The following ZBTB20 variants were observed in gnomAD, a reference collection of about 807,000 sequenced individuals.
The protein encoded by ZBTB20 is zinc finger and BTB domain containing 20.
ZBTB20 carries 9 observed loss-of-function variants against 56.9 expected under a neutral mutation model. The ratio of observed to expected loss-of-function variants is 0.16; its 90% confidence interval spans 0.10 to 0.28. ZBTB20 has a LOEUF of 0.28. Among genes scored for constraint, ZBTB20 ranks in the 10% least tolerant of loss-of-function variants. ZBTB20 has a pLI of 1.00. For missense variants in ZBTB20, 655 were observed against 1,003.0 expected, an observed-to-expected ratio of 0.65 and a Z score of 4.69; for synonymous variants, 417 against 420.7, an observed-to-expected ratio of 0.99 and a Z score of 0.11.
At chr3:114,928,461 T>A (rs932533158) in intron 3 of ZBTB20, among the ~76,000 whole-genome samples, 3 of 152,090 alleles carry the variant, frequency 2.0e-5, no homozygotes, top group African/African-American at 7.2e-5. Context: ...ATGGAGAACC[T>A]CAAGGTTCTT....
Position 114,706,087 on chromosome 3 carries a change from AAGAG to A in ZBTB20, c.-342-12516_-342-12513del, listed in dbSNP as rs149647100. ...TTATAGGAAGAATATGATGTAGAGA[AAGAG>A]AGAGAGAGAGAGAGACAGACTTGAG... On this transcript the variant is annotated intron_variant, in intron 5 of 11. Coordinates refer to ENST00000675478, the MANE Select transcript of ZBTB20 (RefSeq NM_001348800.3). 6.6e-5 allele frequency among the ~76,000 whole-genome samples: 10 copies of A among 150,486 alleles called. No individual in the cohort carries two copies. In the East Asian group the frequency reaches 1.4e-3, roughly 20 times the overall value.
intron 2 of ZBTB20, among the ~76,000 whole-genome samples, chr3:115,007,331 A>G (rs915073625): frequency 6.6e-6 from 1 of 151,678 alleles, no homozygotes; most frequent in Admixed American, 6.6e-5. Context: ...AGGAGGAAAT[A>G]CCATTTTCTG....
Position 114,576,758 on chromosome 3 carries a change from A to T in ZBTB20, c.-294-76367T>A, listed in dbSNP as rs186601225. 5.5e-4 allele frequency among the ~76,000 whole-genome samples: 81 copies of T among 148,448 alleles called. 1 individual carries two copies. Among genetic ancestry groups the T allele is most frequent in the African/African-American group, 1.9e-3 (77 of 40,648 alleles). Reference sequence around the variant, plus strand: ...TTTAAAACTTCAAATTGCTAGATTGATAAAAGCTAAAAAGGTAATCACACA... The same window carrying T: ...TTTAAAACTTCAAATTGCTAGATTGTTAAAAGCTAAAAAGGTAATCACACA... On this transcript the variant is annotated intron_variant, in intron 6 of 11. Coordinates refer to ENST00000675478, the MANE Select transcript of ZBTB20 (RefSeq NM_001348800.3).
chr3:114,482,416 G>A (rs1476449354), intron 7 of ZBTB20, among the ~76,000 whole-genome samples: 3 of 152,146 alleles, frequency 2.0e-5, no homozygotes, highest in Non-Finnish European at 4.4e-5. Flanking sequence ...AGACCACCTA[G>A]CAGAATGGAG....
At chr3:114,644,529 C>A (rs550589830) in intron 6 of ZBTB20, among the ~76,000 whole-genome samples, 22 of 152,138 alleles carry the variant, frequency 1.4e-4, no homozygotes, top group Non-Finnish European at 1.3e-4. Flanking sequence ...ATCAGAGAAA[C>A]GCAAGTCAAA....
At chr3:114,567,327 T>G (rs2052894845) in intron 6 of ZBTB20, among the ~76,000 whole-genome samples, 1 of 152,214 alleles carries the variant, frequency 6.6e-6, no homozygotes, top group South Asian at 2.1e-4. Flanking sequence ...TAAACAGTGC[T>G]AGACAGGCCC....
intron 2 of ZBTB20, among the ~76,000 whole-genome samples, chr3:114,981,974 C>G (rs2078347803): frequency 6.6e-6 from 1 of 151,976 alleles, no homozygotes; most frequent in Non-Finnish European, 1.5e-5. Flanking sequence ...GTGAATTGTT[C>G]ATAAGATGCT....
intron 4 of ZBTB20, among the ~76,000 whole-genome samples, chr3:114,871,322 C>G (rs1283346585): frequency 6.6e-6 from 1 of 152,088 alleles, no homozygotes; most frequent in Non-Finnish European, 1.5e-5. Flanking sequence ...ATGTTCACCC[C>G]CAAATGCAGA....
intron 3 of ZBTB20, among the ~76,000 whole-genome samples, chr3:114,963,473 G>A (rs1414875438): frequency 6.6e-6 from 1 of 152,138 alleles, no homozygotes. Flanking sequence ...TTAAACAAAT[G>A]AGTGAAGTTT....
chr3:114,454,212 A>AGAGAGAGAGAGAGAG (rs1553717402), intron 7 of ZBTB20, among the ~76,000 whole-genome samples: 19 of 71,752 alleles, frequency 2.6e-4, no homozygotes, highest in East Asian at 8.9e-4. Context: ...GAGAGAGAGA[A>AGAGAGAGAGAGAGAG]ATTGGAGCTT....
intron 5 of ZBTB20, among the ~76,000 whole-genome samples, chr3:114,721,443 A>G (rs2064905988): frequency 6.6e-6 from 1 of 152,202 alleles, no homozygotes; most frequent in African/African-American, 2.4e-5. Flanking sequence ...ACAGGAAATA[A>G]CATGTTCTAG....
At chr3:114,838,772 C>T (rs998975035) in intron 4 of ZBTB20, among the ~76,000 whole-genome samples, 1 of 151,406 alleles carries the variant, frequency 6.6e-6, no homozygotes, top group African/African-American at 2.4e-5. Flanking sequence ...TGGAAGGTAG[C>T]AAAACTTAAG....
chr3:115,110,521 A>T (rs2083846728), intron 1 of ZBTB20, among the ~76,000 whole-genome samples: 1 of 152,264 alleles, frequency 6.6e-6, no homozygotes, highest in African/African-American at 2.4e-5. Flanking sequence ...ATTACTTTAC[A>T]GTATATACAT....
At chr3:114,818,249 A>G (rs1218063082) in intron 4 of ZBTB20, among the ~76,000 whole-genome samples, 1 of 152,172 alleles carries the variant, frequency 6.6e-6, no homozygotes, top group Non-Finnish European at 1.5e-5. Flanking sequence ...GTGAATCACC[A>G]TTTTACATTT....
At chr3:114,778,108 A>AGGGGGGG (rs2069758642) in intron 5 of ZBTB20, among the ~76,000 whole-genome samples, 1 of 89,896 alleles carries the variant, frequency 1.1e-5, no homozygotes, top group Non-Finnish European at 2.2e-5. Context: ...GGTGGGGGGA[A>AGGGGGGG]GGGGGAGGGA....
At chr3:114,480,763 C>A (rs906396638) in intron 7 of ZBTB20, among the ~76,000 whole-genome samples, 1 of 151,848 alleles carries the variant, frequency 6.6e-6, no homozygotes, top group Non-Finnish European at 1.5e-5. Context: ...TGATGAGGAA[C>A]ACATAGGGAT....
At chr3:114,992,434 A>C (rs2078855514) in intron 2 of ZBTB20, among the ~76,000 whole-genome samples, 1 of 152,002 alleles carries the variant, frequency 6.6e-6, no homozygotes, top group African/African-American at 2.4e-5. Context: ...TCATATAAAG[A>C]GATATTCAGT....
chr3:114,580,881 T>C (rs1287615969), intron 6 of ZBTB20, among the ~76,000 whole-genome samples: 1 of 151,878 alleles, frequency 6.6e-6, no homozygotes, highest in Non-Finnish European at 1.5e-5. Flanking sequence ...CCAGATTATT[T>C]TCTAATGTTA....
intron 2 of ZBTB20, among the ~76,000 whole-genome samples, chr3:114,983,762 T>C (rs181899954): frequency 1.3e-5 from 2 of 152,058 alleles, no homozygotes; most frequent in African/African-American, 4.8e-5. Flanking sequence ...TTTAAGTAAT[T>C]TGTTAAACTA....
Sources: gnomAD v4.1 joint callset for allele counts (sites outside exome capture counted in the v4.1 genomes callset) on GRCh38, gnomAD v4.1.1 for gene constraint, MANE v1.5 for transcripts, NCBI Gene and HGNC (gene_info 2026-07-23, HGNC 2026-07-21) for gene names.